The following RAD52 variants were observed in gnomAD, a reference collection of about 807,000 sequenced individuals.
RAD52 encodes RAD52 DNA repair protein.
In RAD52, 47 loss-of-function variants were observed where a neutral mutation model predicts 55.5. The observed-to-expected ratio is 0.85, with a 90% CI of 0.67 to 1.08. The LOEUF (loss-of-function observed/expected upper bound fraction) is 1.08, where lower values mean the gene tolerates loss of function less well. RAD52 is among the 50% of genes least tolerant of loss of function. The pLI is 0.00. For synonymous variants in RAD52, 184 were observed against 198.9 expected (o/e 0.92, Z 0.63); for missense variants, 468 against 522.8 (o/e 0.90, Z 1.02).
At chr12:922,618 A>C (rs1381107613) in intron 7 of RAD52, among the ~76,000 whole-genome samples, 1 of 152,222 alleles carries the variant, frequency 6.6e-6, no homozygotes, top group African/African-American at 2.4e-5. Context: ...AAGTGAAATA[A>C]GCCAGTCACA....
In RAD52 at chr12:927,138, C is replaced by T. The variant is rs2286030; in HGVS notation, c.467+7G>A. On this transcript the variant is annotated splice_region_variant and intron_variant, in intron 6 of 11. Coordinates refer to ENST00000358495, the MANE Select transcript of RAD52 (RefSeq NM_134424.4). ...GACGCAGGTTAGACTCCCAGCCCCG[C>T]GCTCACCTGAGGGCTCGCTTCAGCC... 2,318 of 1,611,410 alleles carry T rather than the reference C, an allele frequency of 1.4e-3. 64 individuals are homozygous for T. The East Asian group carries it at 0.05, about 35-fold the overall frequency.
chr12:946,808 T>G (rs569962703), intron 1 of RAD52, among the ~76,000 whole-genome samples: 73 of 152,304 alleles, frequency 4.8e-4, no homozygotes, highest in African/African-American at 1.7e-3. Flanking sequence ...ACTCAAAATT[T>G]TTCACAACTA....
At chr12:964,637 G>A (rs1212123920) in intron 1 of RAD52, among the ~76,000 whole-genome samples, 1 of 152,036 alleles carries the variant, frequency 6.6e-6, no homozygotes, top group Non-Finnish European at 1.5e-5. Context: ...GGAGTGCAGT[G>A]GCACAGTCAC....
In RAD52 at chr12:931,301, CT is replaced by C; in HGVS notation, c.104del (p.Glu35GlyfsTer9). 1 of 1,610,330 alleles carries C rather than the reference CT, an allele frequency of 6.2e-7. No homozygotes were observed. The highest frequency in any genetic ancestry group is 8.5e-7 in the Non-Finnish European group (1 of 1,178,748). ...CFGQCQYTAE[E>X]YQAIQKALRQ... ...TCAGGGCCTTCTGGATGGCCTGGTA[CT>C]CTTCTGCTGTGTACTGGCACTGCAA... On this transcript the variant is annotated frameshift_variant, in exon 3 of 12. Transcript: ENST00000358495. LOFTEE classifies it high-confidence loss of function.
intron 1 of RAD52, among the ~76,000 whole-genome samples, chr12:936,012 A>G (rs1258071738): frequency 6.6e-6 from 1 of 151,416 alleles, no homozygotes. Flanking sequence ...ACATTTAAAG[A>G]GCAACTTGTG....
rs143743662 is a variant in RAD52, at chr12:912,162, G to A, written c.*1229C>T. On this transcript the variant is annotated 3_prime_UTR_variant, in exon 12 of 12. Transcript: ENST00000358495. Reference sequence around the variant, plus strand: ...GAAATGGGGAAGTAGAAACAGTTGCGTTTGAGCATCCCTAATTGAAATGCT... The same window carrying A: ...GAAATGGGGAAGTAGAAACAGTTGCATTTGAGCATCCCTAATTGAAATGCT... 2.3e-3 allele frequency: 448 copies of A among 197,480 alleles called. 6 individuals carry two copies. The highest frequency in any genetic ancestry group is 0.012 in the East Asian group (148 of 12,730). 12.2% of individuals were successfully genotyped at this position (197,480 alleles called of 1,614,324 possible). A position where few individuals can be genotyped will look rare whatever the true frequency, so the allele number is the denominator to read the frequency against.
chr12:916,217 T>TCGG, intron 9 of RAD52, 127 bp downstream of exon 9: 20 of 1,485,646 alleles, frequency 1.3e-5, no homozygotes, highest in Admixed American at 7.7e-5. Flanking sequence ...TGCGTGTAGC[T>TCGG]TGAGAGAAGT....
At chr12:943,789 T>G (rs988853422) in intron 1 of RAD52, among the ~76,000 whole-genome samples, 57 of 118,648 alleles carry the variant, frequency 4.8e-4, no homozygotes, top group Admixed American at 1.1e-3. Flanking sequence ...GTTTTTTTTT[T>G]GGGTTTTTTT....
chr12:964,373 G>T (rs1429732990), intron 1 of RAD52, among the ~76,000 whole-genome samples: 1 of 152,142 alleles, frequency 6.6e-6, no homozygotes, highest in Non-Finnish European at 1.5e-5. Flanking sequence ...TTTGAGACCA[G>T]CCAGGCCAAT....
intron 1 of RAD52, among the ~76,000 whole-genome samples, chr12:972,908 G>A (rs974710732): frequency 1.3e-5 from 2 of 152,062 alleles, no homozygotes; most frequent in Admixed American, 6.6e-5. Context: ...CAATGAGGGG[G>A]CAAATTTTGT....
chr12:914,002 G>A lies in RAD52; in HGVS notation c.1087C>T (p.Gln363Ter), dbSNP rs1025823833. 1.9e-6 allele frequency: 3 copies of A among 1,614,028 alleles called. No individual in the cohort carries two copies. The African/African-American group carries it at 4.0e-5, about 22-fold the overall frequency. Residue 363 changes from glutamine to a stop codon, truncating the protein, a stop_gained, in exon 11 of 12, where the codon CAG (glutamine) becomes TAG (stop). Transcript: ENST00000358495. LOFTEE classifies it high-confidence loss of function. The stretch of plus-strand genomic sequence containing the variant: ...GGAGTCCTGTTCTGGGTCACCATCT[G>A]GTTGTTCAAGGCTAATGTGTCAGAG... ...QTSDTLALNN[Q>*]MVTQNRTPHS...
At chr12:924,404 C>T (rs554361723) in intron 7 of RAD52, among the ~76,000 whole-genome samples, 10 of 151,804 alleles carry the variant, frequency 6.6e-5, no homozygotes, top group East Asian at 1.9e-4. Context: ...AGCGAGACTC[C>T]GTCTCAAAAA....
At chr12:940,540 T>C (rs940455017) in intron 1 of RAD52, among the ~76,000 whole-genome samples, 5 of 151,762 alleles carry the variant, frequency 3.3e-5, no homozygotes, top group African/African-American at 1.2e-4. Context: ...GAGGTAGCAG[T>C]GAGCAGAGGT....
chr12:940,369 C>T (rs776964875), intron 1 of RAD52, among the ~76,000 whole-genome samples: 12 of 151,978 alleles, frequency 7.9e-5, no homozygotes, highest in Non-Finnish European at 1.3e-4. Context: ...GAGGCCAAGG[C>T]GGGCGGATCA....
chr12:918,845 T>A (rs11064590), intron 7 of RAD52, among the ~76,000 whole-genome samples: 1 of 152,042 alleles, frequency 6.6e-6, no homozygotes, highest in South Asian at 2.1e-4. Context: ...ATGTGTTTGG[T>A]TGGAAAATTC....
intron 2 of RAD52, among the ~76,000 whole-genome samples, chr12:932,086 C>T (rs955821139): frequency 2.0e-5 from 3 of 152,212 alleles, no homozygotes; most frequent in African/African-American, 4.8e-5. Flanking sequence ...GAGCCAGGCG[C>T]GGTGGCTCAT....
At position 914,066 on chromosome 12, in the gene RAD52, A is replaced by T; in HGVS notation, c.1023T>A (p.Gly341=). Residue 341 remains glycine, a synonymous_variant, in exon 11 of 12, where the codon GGT becomes GGA. Transcript: ENST00000358495. ...CTGCTCTAGACGAGGGCTTGACCACACCATCCCCTGCATCGGGAGTCACAG... is the reference window on the plus strand; with the variant it reads ...CTGCTCTAGACGAGGGCTTGACCACTCCATCCCCTGCATCGGGAGTCACAG... The part of the protein sequence containing the change: ...KWAVTPDAGD[G]VVKPSSRADP... 6.2e-7 allele frequency: 1 copy of T among 1,614,190 alleles called. No individual in the cohort carries two copies. The highest frequency in any genetic ancestry group is 8.5e-7 in the Non-Finnish European group (1 of 1,180,038).
At chr12:983,029 T>C (rs1182369411) in intron 1 of RAD52, among the ~76,000 whole-genome samples, 1 of 152,080 alleles carries the variant, frequency 6.6e-6, no homozygotes, top group Non-Finnish European at 1.5e-5. Flanking sequence ...TTTGTATTTT[T>C]AGTGAAGACA....
intron 1 of RAD52, among the ~76,000 whole-genome samples, chr12:949,076 G>A (rs2154119585): frequency 6.6e-6 from 1 of 152,158 alleles, no homozygotes; most frequent in Admixed American, 6.5e-5. Flanking sequence ...TTTCCCCCGT[G>A]ACAGGGTCTC....
Sources: allele counts gnomAD v4.1 joint callset (sites outside exome capture counted in the v4.1 genomes callset), GRCh38; gene constraint gnomAD v4.1.1; transcripts MANE v1.5; gene names NCBI Gene and HGNC (gene_info 2026-07-23, HGNC 2026-07-21).